The following AAK1 variants were observed in gnomAD, a reference collection of about 807,000 sequenced individuals.
AAK1 encodes the protein AP2 associated kinase 1.
In AAK1, 37 loss-of-function variants were observed where a neutral mutation model predicts 116.0. The observed-to-expected ratio is 0.32, with a 90% CI of 0.25 to 0.42. The LOEUF is 0.42. AAK1 is among the 10% of genes least tolerant of loss of function. AAK1 has a pLI of 1.00. For synonymous variants in AAK1, 458 were observed against 439.9 expected (o/e 1.04, Z -0.51); for missense variants, 919 against 1,170.6 (o/e 0.79, Z 3.14).
intron 17 of AAK1, among the ~76,000 whole-genome samples, chr2:69,493,295 AG>A (rs1675613609): frequency 6.6e-6 from 1 of 151,998 alleles, no homozygotes; most frequent in South Asian, 2.1e-4. Flanking sequence ...ACAATTCTGC[AG>A]GACACCGTGA....
chr2:69,597,595 T>A (rs1354114515), intron 2 of AAK1: 1 of 152,260 alleles, frequency 6.6e-6, no homozygotes, highest in Admixed American at 6.6e-5. Flanking sequence ...CTGGACCCAG[T>A]GCAATGGCTC....
intron 2 of AAK1, among the ~76,000 whole-genome samples, chr2:69,617,283 A>T (rs1674377350): frequency 6.6e-6 from 1 of 152,232 alleles, no homozygotes; most frequent in African/African-American, 2.4e-5. Context: ...AACTTTAAGG[A>T]ACACAATCAA....
intron 10 of AAK1, among the ~76,000 whole-genome samples, chr2:69,524,661 G>A (rs897522901): frequency 2.1e-4 from 32 of 151,938 alleles, no homozygotes; most frequent in Admixed American, 2.0e-3. Flanking sequence ...TTGAACTCCC[G>A]ACCTCAGGTG....
At chr2:69,526,559 C>T (rs1188297741) in intron 9 of AAK1, among the ~76,000 whole-genome samples, 2 of 152,164 alleles carry the variant, frequency 1.3e-5, no homozygotes, top group East Asian at 3.9e-4. Flanking sequence ...CCATCCTCCT[C>T]GGCCTCCCAA....
chr2:69,615,541 G>A (rs1347744136), intron 2 of AAK1, among the ~76,000 whole-genome samples: 2 of 152,144 alleles, frequency 1.3e-5, no homozygotes, highest in Admixed American at 6.5e-5. Context: ...CCTCCTCCTC[G>A]CTCCTGGGTC....
intron 2 of AAK1, among the ~76,000 whole-genome samples, chr2:69,570,497 T>C (rs1672051825): frequency 1.3e-5 from 2 of 152,028 alleles, no homozygotes; most frequent in African/African-American, 4.8e-5. Context: ...GGAACCACTC[T>C]TTTCTGCCGT....
rs1375610321 is a variant in AAK1 at position 69,460,080 on chromosome 2, T to G, written c.*15789A>C. On this transcript the variant is annotated 3_prime_UTR_variant, in exon 22 of 22. Coordinates refer to ENST00000409085, the MANE Select transcript of AAK1 (RefSeq NM_014911.5). ...AGCTACAGTCTTTTCTGCAGCTCTC[T>G]TATGTACCTCTCATCAAAATAATTT... is the stretch of plus-strand genomic sequence containing the variant. 1 of 152,272 alleles carries G rather than the reference T, an allele frequency of 6.6e-6. No homozygotes were observed. The highest frequency in any genetic ancestry group is 1.5e-5 in the Non-Finnish European group (1 of 68,042). The allele number at this position is 152,272 out of a possible 1,614,324, so 9.4% of individuals were successfully genotyped here.
At chr2:69,637,081 T>C (rs1559022864) in intron 2 of AAK1, among the ~76,000 whole-genome samples, 1 of 152,256 alleles carries the variant, frequency 6.6e-6, no homozygotes, top group Non-Finnish European at 1.5e-5. Context: ...TAGTAGATTA[T>C]CGCTATCTCA....
intron 17 of AAK1, among the ~76,000 whole-genome samples, chr2:69,492,065 C>T (rs1028861712): frequency 6.6e-6 from 1 of 152,104 alleles, no homozygotes; most frequent in East Asian, 1.9e-4. Flanking sequence ...TCACCCACAC[C>T]ATGAGGGCGT....
chr2:69,521,603 A>G (rs1669780963), intron 10 of AAK1, among the ~76,000 whole-genome samples: 1 of 152,230 alleles, frequency 6.6e-6, no homozygotes, highest in African/African-American at 2.4e-5. Context: ...TTTCCACAGT[A>G]ACAGAAGTTT....
intron 5 of AAK1, among the ~76,000 whole-genome samples, chr2:69,533,595 T>C (rs1670345185): frequency 6.6e-6 from 1 of 152,250 alleles, no homozygotes. Context: ...ACCTTGCTTA[T>C]GGTGGTGTTG....
At chr2:69,609,007 T>C (rs1421339502) in intron 2 of AAK1, among the ~76,000 whole-genome samples, 4 of 152,234 alleles carry the variant, frequency 2.6e-5, no homozygotes, top group African/African-American at 9.6e-5. Flanking sequence ...TGTATGTGGA[T>C]TGGAAGACTT....
chr2:69,583,487 G>T (rs960237834), intron 2 of AAK1, among the ~76,000 whole-genome samples: 1 of 152,178 alleles, frequency 6.6e-6, no homozygotes, highest in Non-Finnish European at 1.5e-5. Flanking sequence ...AAGGCAAAGA[G>T]ATTTTCTGTT....
intron 13 of AAK1, among the ~76,000 whole-genome samples, chr2:69,511,274 A>G (rs1676384964): frequency 6.6e-6 from 1 of 152,242 alleles, no homozygotes; most frequent in Admixed American, 6.5e-5. Context: ...GGATGCTTCT[A>G]GCTTGGGATA....
intron 3 of AAK1, among the ~76,000 whole-genome samples, chr2:69,550,262 C>G (rs1334349133): frequency 6.6e-6 from 1 of 152,198 alleles, no homozygotes; most frequent in Non-Finnish European, 1.5e-5. Flanking sequence ...TGAAGGCTCT[C>G]TGGACCTCTG....
At chr2:69,617,422 T>C (rs986843599) in intron 2 of AAK1, among the ~76,000 whole-genome samples, 9 of 152,198 alleles carry the variant, frequency 5.9e-5, no homozygotes, top group African/African-American at 1.9e-4. Context: ...CTGGGCATAG[T>C]TTCTCCTTTG....
Position 69,517,629 on chromosome 2 carries a change from C to G in AAK1, c.1497+1325G>C, listed in dbSNP as rs556032159. ...AAGAATTGTCAAACTGAATCAAATA[C>G]TGAGTAAGCCTCGAGAAATTACCAG... On this transcript the variant is annotated intron_variant, in intron 12 of 21. Coordinates refer to ENST00000409085, the MANE Select transcript of AAK1 (RefSeq NM_014911.5). 1.8e-4 allele frequency among the ~76,000 whole-genome samples: 27 copies of G among 152,084 alleles called. No individual in the cohort carries two copies. In the South Asian group the frequency reaches 5.6e-3, roughly 32 times the overall value.
intron 2 of AAK1, among the ~76,000 whole-genome samples, chr2:69,592,482 C>G (rs972444758): frequency 6.6e-6 from 1 of 152,090 alleles, no homozygotes; most frequent in African/African-American, 2.4e-5. Flanking sequence ...ACTTAAGTGT[C>G]AAAAATAAAA....
rs986214138 is a variant in AAK1 at position 69,468,542 on chromosome 2, AG to A, written c.*7326del. 50 of 985,302 alleles carry A rather than the reference AG, an allele frequency of 5.1e-5. No individual in the cohort carries two copies. The African/African-American group carries it at 8.0e-4, about 16-fold the overall frequency. 61.0% of individuals were successfully genotyped at this position (985,302 alleles called of 1,614,324 possible). The stretch of plus-strand genomic sequence containing the variant: ...TCTGCAGGAGAGCAAAATATCTCTT[AG>A]GGAAAAAAAATGGAAAACTTAGTCA... On this transcript the variant is annotated 3_prime_UTR_variant, in exon 22 of 22. Coordinates refer to ENST00000409085, the MANE Select transcript of AAK1 (RefSeq NM_014911.5).
Sources: gnomAD v4.1 joint callset for allele counts (sites outside exome capture counted in the v4.1 genomes callset) on GRCh38, gnomAD v4.1.1 for gene constraint, MANE v1.5 for transcripts, NCBI Gene and HGNC (gene_info 2026-07-23, HGNC 2026-07-21) for gene names.